The following CACNA1C variants were observed in gnomAD, a reference collection of about 807,000 sequenced individuals.
CACNA1C encodes the protein calcium voltage-gated channel subunit alpha1 C.
A neutral mutation model predicts 229.0 loss-of-function variants in CACNA1C; 30 were observed. The ratio of observed to expected loss-of-function variants is 0.13; its 90% CI spans 0.10 to 0.18. The LOEUF is 0.18. Among genes scored for constraint, CACNA1C ranks in the 10% least tolerant of loss-of-function variants. The pLI, the probability that CACNA1C is intolerant of heterozygous loss-of-function variation, is 1.00. For missense variants in CACNA1C, 1,658 were observed against 2,845.0 expected (o/e 0.58, Z 9.49); for synonymous variants, 1,114 against 1,132.5 (o/e 0.98, Z 0.33).
intron 3 of CACNA1C, among the ~76,000 whole-genome samples, chr12:2,183,011 CTTTTA>C (rs766777755): frequency 2.6e-5 from 4 of 152,090 alleles, no homozygotes; most frequent in Admixed American, 6.5e-5. Flanking sequence ...CCCAGATGAT[CTTTTA>C]TTTTGTTTTT....
chr12:2,301,343 T>G (rs1367479715), intron 3 of CACNA1C, among the ~76,000 whole-genome samples: 1 of 152,186 alleles, frequency 6.6e-6, no homozygotes, highest in East Asian at 1.9e-4. Context: ...TTTACAAGAA[T>G]GATTAGACCT....
intron 9 of CACNA1C, among the ~76,000 whole-genome samples, chr12:2,523,158 G>T (rs1242913237): frequency 6.6e-6 from 1 of 151,446 alleles, no homozygotes; most frequent in Non-Finnish European, 1.5e-5. Context: ...CGGGGGCGGT[G>T]GTGCTGGTAG....
In CACNA1C at chr12:2,053,965, G is replaced by A. The variant is rs1265898794; in HGVS notation, c.49+354G>A. 1.3e-5 allele frequency among the ~76,000 whole-genome samples: 2 copies of A among 149,170 alleles called. No homozygotes were observed. The highest frequency in any genetic ancestry group is 3.0e-5 in the Non-Finnish European group (2 of 67,094). ...AGCCCGGCTGCCTGGCCAGCCGCGC[G>A]GGGGGCAGAGGGCGCCGGCGCCGCG... is the stretch of plus-strand genomic sequence containing the variant. On this transcript the variant is annotated intron_variant, in intron 1 of 46. Transcript: ENST00000399655. This position sits in a 1 kb window ranked among gnomAD's most constrained non-coding sequence, Gnocchi z 5.8.
chr12:2,503,284 T>C (rs889207681), intron 7 of CACNA1C, among the ~76,000 whole-genome samples: 5 of 152,212 alleles, frequency 3.3e-5, no homozygotes, highest in Non-Finnish European at 7.3e-5. Context: ...TTGAGAGCCA[T>C]TGATGTGAAT....
At chr12:2,193,465 A>G (rs1404357093) in intron 3 of CACNA1C, among the ~76,000 whole-genome samples, 2 of 151,898 alleles carry the variant, frequency 1.3e-5, no homozygotes, top group Non-Finnish European at 2.9e-5. Context: ...AAAAAAAAAC[A>G]AAAAACAAAA....
At chr12:2,546,882 G>A (rs1254770633) in intron 9 of CACNA1C, among the ~76,000 whole-genome samples, 1 of 152,224 alleles carries the variant, frequency 6.6e-6, no homozygotes, top group Non-Finnish European at 1.5e-5. Context: ...GGAGCAAGTA[G>A]GTCGACCAGT....
intron 3 of CACNA1C, among the ~76,000 whole-genome samples, chr12:2,174,290 A>G (rs1251043459): frequency 6.6e-6 from 1 of 152,194 alleles, no homozygotes; most frequent in African/African-American, 2.4e-5. Flanking sequence ...GCAAGTCCCT[A>G]TAGTCATAAA....
chr12:2,688,673 G>A lies in CACNA1C; in HGVS notation c.6011G>A (p.Gly2004Asp). The part of the protein sequence containing the change: ...SWAETTPGGG[G>D]SSAARRVRPV... ...GCTGAGACCACCCCCGGTGGCGGGG[G>A]CAGCAGCGCCGCCCGGAGAGTCCGG... The change falls in exon 46 of 47, where the codon GGC becomes GAC. Residue 2004 changes from glycine (G) to aspartate (D), a missense_variant. Around this residue, in one of 20 missense-constraint regions of CACNA1C, gnomAD observed 590 missense variants for 700.8 expected, o/e 0.84. Coordinates refer to ENST00000399655, the MANE Select transcript of CACNA1C (RefSeq NM_000719.7). 1 of 1,613,352 alleles carries A rather than the reference G, an allele frequency of 6.2e-7. No homozygotes were observed. Among genetic ancestry groups the A allele is most frequent in the Non-Finnish European group, 8.5e-7 (1 of 1,179,762 alleles).
chr12:2,198,539 C>T (rs940251663), intron 3 of CACNA1C, among the ~76,000 whole-genome samples: 1 of 152,230 alleles, frequency 6.6e-6, no homozygotes, highest in African/African-American at 2.4e-5. Flanking sequence ...TCCACATCAC[C>T]AAATTGTGAG....
chr12:2,349,086 G>A (rs1006442267), intron 3 of CACNA1C, among the ~76,000 whole-genome samples: 2 of 152,178 alleles, frequency 1.3e-5, no homozygotes, highest in African/African-American at 4.8e-5. Flanking sequence ...TCTATAACAT[G>A]GGGAAACTGA....
intron 1 of CACNA1C, among the ~76,000 whole-genome samples, chr12:1,988,560 C>T (rs1016765230): frequency 7.9e-5 from 12 of 152,204 alleles, no homozygotes; most frequent in African/African-American, 2.7e-4. Context: ...TTACAGCACG[C>T]TTCCTATTTC....
chr12:2,163,727 C>T (rs372845488), intron 3 of CACNA1C, among the ~76,000 whole-genome samples: 244 of 152,278 alleles, frequency 1.6e-3, no homozygotes, highest in African/African-American at 5.5e-3. Flanking sequence ...ATCGATTTTG[C>T]AGCGGCTCTG....
chr12:1,993,367 G>A, intron 1 of CACNA1C: 2 of 1,612,842 alleles, frequency 1.2e-6, no homozygotes, highest in Non-Finnish European at 1.7e-6. Context: ...TCATAATGGT[G>A]AATCCATGCT....
At chr12:2,357,126 C>T (rs1320939029) in intron 3 of CACNA1C, among the ~76,000 whole-genome samples, 1 of 152,164 alleles carries the variant, frequency 6.6e-6, no homozygotes, top group African/African-American at 2.4e-5. Context: ...TGATGAGAAC[C>T]AAAACTGGAC....
At chr12:2,051,715 T>C (rs2052272360), upstream of CACNA1C, among the ~76,000 whole-genome samples, 1 of 152,158 alleles carries the variant, frequency 6.6e-6, no homozygotes, top group Non-Finnish European at 1.5e-5. Flanking sequence ...ACTGAGCAAC[T>C]AGAAGTATGG....
chr12:2,440,887 T>C (rs1243830467), intron 3 of CACNA1C, among the ~76,000 whole-genome samples: 1 of 152,208 alleles, frequency 6.6e-6, no homozygotes, highest in Non-Finnish European at 1.5e-5. Context: ...AGCAAAGTGC[T>C]GCAACTCTCA....
rs1188362716 is a variant in CACNA1C at position 2,105,950 on chromosome 12, AC to A, written c.50-9270del. Among the ~76,000 whole-genome samples the A allele has an allele frequency of 7.5e-5, 2 of 26,700 alleles. 1 individual carries two copies. Among genetic ancestry groups the A allele is most frequent in the Non-Finnish European group, 1.7e-4 (2 of 11,554 alleles). The allele number at this position is 26,700 out of a possible 152,430, so 17.5% of individuals were successfully genotyped here. A position where few individuals can be genotyped will look rare whatever the true frequency, so the allele number is the denominator to read the frequency against. ...GGCGTCCTGAAGCCACTGGGCGCCC[AC>A]CCCGGGGAGGGTTTCCACCTCAGCT... On this transcript the variant is annotated intron_variant, in intron 1 of 46. Coordinates refer to ENST00000399655, the MANE Select transcript of CACNA1C (RefSeq NM_000719.7).
At chr12:2,433,358 C>T (rs1226854252) in intron 3 of CACNA1C, among the ~76,000 whole-genome samples, 2 of 152,136 alleles carry the variant, frequency 1.3e-5, no homozygotes, top group Non-Finnish European at 2.9e-5. Flanking sequence ...TGGGTAAGCC[C>T]AGGTGCAGGA....
intron 3 of CACNA1C, among the ~76,000 whole-genome samples, chr12:2,136,413 G>T (rs2093498469): frequency 6.6e-6 from 1 of 151,502 alleles, no homozygotes. Context: ...CTATGAAGCA[G>T]TGGAGCTGGG....
Sources: gnomAD v4.1 joint callset for allele counts (sites outside exome capture counted in the v4.1 genomes callset) on GRCh38, gnomAD v4.1.1 for gene constraint, gnomAD v4.1.1 regional missense constraint, Gnocchi (gnomAD v3.1) non-coding constraint, MANE v1.5 for transcripts, NCBI Gene and HGNC (gene_info 2026-07-23, HGNC 2026-07-21) for gene names.